Variants in LINGO2 observed in about 807,000 individuals in gnomAD.
The protein encoded by LINGO2 is leucine-rich repeat and immunoglobulin-like domain-containing nogo receptor-interacting protein 2.
In LINGO2, 14 loss-of-function variants were observed where a neutral mutation model predicts 30.6. That is an observed-to-expected ratio of 0.46 (90% CI 0.30 to 0.72). The LOEUF is 0.72. LINGO2 is among the 30% of genes least tolerant of loss of function. The probability of loss-of-function intolerance (pLI) is 0.07; values close to 1 mark genes in which losing one functional copy is unlikely to be tolerated. For missense variants in LINGO2, 729 were observed against 751.7 expected (o/e 0.97, Z 0.35); for synonymous variants, 317 against 288.5 (o/e 1.10, Z -1.00).
the LINGO2 span, among the ~76,000 whole-genome samples, chr9:28,980,495 G>A: frequency 1.6e-4 from 25 of 152,040 alleles, no homozygotes; most frequent in African/African-American, 5.1e-4. Context: ...CGACGTCTCT[G>A]GAGAAGAGTT....
chr9:29,187,022 G>T, the LINGO2 span, among the ~76,000 whole-genome samples: 2 of 152,052 alleles, frequency 1.3e-5, no homozygotes, highest in South Asian at 4.1e-4. Flanking sequence ...AGAAATCATT[G>T]TTGTCTCCCC....
intron 4 of LINGO2, among the ~76,000 whole-genome samples, chr9:28,019,899 T>C (rs1215457842): frequency 1.3e-5 from 2 of 152,162 alleles, no homozygotes; most frequent in African/African-American, 4.8e-5. Flanking sequence ...AATGAGGAGA[T>C]GGGCCAGGTC....
intron 5 of LINGO2, among the ~76,000 whole-genome samples, chr9:27,981,551 G>GAAAAAAAAAAAAAAAAAAAAAAAAAA (rs1279785343): frequency 2.3e-5 from 2 of 87,132 alleles, no homozygotes; most frequent in African/African-American, 8.4e-5. Context: ...AAAAAAAAAA[G>GAAAAAAAAAAAAAAAAAAAAAAAAAA]AAAAAAAAGA....
chr9:28,465,212 G>A (rs1209093242), intron 2 of LINGO2, among the ~76,000 whole-genome samples: 1 of 152,126 alleles, frequency 6.6e-6, no homozygotes, highest in Non-Finnish European at 1.5e-5. Flanking sequence ...CATTCCAAGA[G>A]GAATGAGGTC....
At chr9:28,208,388 C>T (rs989564962) in intron 4 of LINGO2, among the ~76,000 whole-genome samples, 4 of 151,950 alleles carry the variant, frequency 2.6e-5, no homozygotes, top group African/African-American at 7.2e-5. Flanking sequence ...ATATATCTTA[C>T]GGCAAATCTT....
At chr9:28,248,911 A>G (rs1822098525) in intron 4 of LINGO2, among the ~76,000 whole-genome samples, 1 of 152,146 alleles carries the variant, frequency 6.6e-6, no homozygotes, top group Non-Finnish European at 1.5e-5. Context: ...ATCCCACACC[A>G]AGAGAGAGTT....
At chr9:29,094,043 A>C in the LINGO2 span, among the ~76,000 whole-genome samples, 1 of 139,094 alleles carries the variant, frequency 7.2e-6, no homozygotes, top group East Asian at 2.4e-4. Flanking sequence ...CTGCATTGGA[A>C]GGCCATCTAT....
At chr9:28,219,815 A>G (rs920745207) in intron 4 of LINGO2, among the ~76,000 whole-genome samples, 2 of 152,194 alleles carry the variant, frequency 1.3e-5, no homozygotes, top group Non-Finnish European at 1.5e-5. Flanking sequence ...GAAATGCTAC[A>G]TACTATGTTT....
chr9:28,667,232 C>A (rs113156776), intron 1 of LINGO2, among the ~76,000 whole-genome samples: 16 of 152,190 alleles, frequency 1.1e-4, no homozygotes, highest in African/African-American at 3.6e-4. Context: ...ACAGTTTTTT[C>A]TCACTTTAAC....
At chr9:28,351,431 T>C (rs1227529663) in intron 3 of LINGO2, among the ~76,000 whole-genome samples, 3 of 151,496 alleles carry the variant, frequency 2.0e-5, no homozygotes, top group South Asian at 2.1e-4. Context: ...ACACATACGC[T>C]CTCCCAAGAC....
chr9:28,180,331 T>C (rs549189271), intron 4 of LINGO2, among the ~76,000 whole-genome samples: 93 of 152,310 alleles, frequency 6.1e-4, no homozygotes, highest in South Asian at 4.4e-3. Flanking sequence ...ATTTGTTGTA[T>C]TGCTTCATGT....
At chr9:28,562,889 C>T (rs991851750) in intron 1 of LINGO2, among the ~76,000 whole-genome samples, 2 of 151,988 alleles carry the variant, frequency 1.3e-5, no homozygotes, top group African/African-American at 4.8e-5. Flanking sequence ...CTCTGTCACC[C>T]AGGCTGCAGT....
the LINGO2 span, among the ~76,000 whole-genome samples, chr9:29,119,483 A>T: frequency 2.0e-5 from 3 of 152,110 alleles, no homozygotes; most frequent in African/African-American, 4.8e-5. Flanking sequence ...GATATTGATA[A>T]TAGAAATACT....
chr9:28,344,885 GCATCTTA>G (rs1180982796), intron 3 of LINGO2, among the ~76,000 whole-genome samples: 1 of 151,992 alleles, frequency 6.6e-6, no homozygotes, highest in African/African-American at 2.4e-5. Context: ...CTGCACCAAA[GCATCTTA>G]GGGTGTTGCA....
chr9:28,229,586 A>T (rs1821288226), intron 4 of LINGO2, among the ~76,000 whole-genome samples: 1 of 151,774 alleles, frequency 6.6e-6, no homozygotes, highest in African/African-American at 2.4e-5. Flanking sequence ...TGACCAAAAG[A>T]TCTAATATGT....
chr9:28,282,835 G>T (rs1411704456), intron 4 of LINGO2, among the ~76,000 whole-genome samples: 1 of 152,090 alleles, frequency 6.6e-6, no homozygotes, highest in East Asian at 1.9e-4. Context: ...TATATGCAAA[G>T]AATTTACTTT....
At chr9:28,298,194 T>C (rs982710480) in intron 3 of LINGO2, among the ~76,000 whole-genome samples, 1 of 152,158 alleles carries the variant, frequency 6.6e-6, no homozygotes, top group Admixed American at 6.5e-5. Flanking sequence ...AAGGTAGGCA[T>C]AATTATTATT....
chr9:28,462,508 T>C (rs765211670), intron 2 of LINGO2, among the ~76,000 whole-genome samples: 16 of 151,692 alleles, frequency 1.1e-4, no homozygotes, highest in East Asian at 3.9e-4. Flanking sequence ...TGGTCCACAA[T>C]TGAAGACCAC....
chr9:28,493,563 T>A (rs898433938), intron 1 of LINGO2, among the ~76,000 whole-genome samples: 2 of 152,188 alleles, frequency 1.3e-5, no homozygotes, highest in Non-Finnish European at 2.9e-5. Flanking sequence ...ATAGCTTATA[T>A]GTTATTTGAA....
Sources: gnomAD v4.1 joint callset for allele counts (sites outside exome capture counted in the v4.1 genomes callset) on GRCh38, gnomAD v4.1.1 for gene constraint, MANE v1.5 for transcripts, NCBI Gene and HGNC (gene_info 2026-07-23, HGNC 2026-07-21) for gene names.